Variants in NMNAT3 observed in about 807,000 individuals in gnomAD.
NMNAT3 encodes nicotinamide/nicotinic acid mononucleotide adenylyltransferase 3.
NMNAT3 carries 21 observed loss-of-function variants against 24.8 expected under a neutral mutation model. That is an observed-to-expected ratio of 0.85 (90% CI 0.60 to 1.22). The LOEUF (loss-of-function observed/expected upper bound fraction) is 1.22. NMNAT3 is among the 50% of genes most tolerant of loss of function. The pLI is 0.00. For missense variants in NMNAT3, 387 were observed against 436.6 expected (o/e 0.89, Z 1.01); for synonymous variants, 136 against 155.2 (o/e 0.88, Z 0.92).
intron 3 of NMNAT3, among the ~76,000 whole-genome samples, chr3:139,612,078 G>A (rs906854838): frequency 4.0e-5 from 6 of 151,446 alleles, no homozygotes; most frequent in Non-Finnish European, 8.8e-5. Flanking sequence ...GAGGCAGGAG[G>A]ATTGCTTGAA....
intron 1 of NMNAT3, among the ~76,000 whole-genome samples, chr3:139,641,087 G>T (rs1363068092): frequency 6.6e-6 from 1 of 152,106 alleles, no homozygotes; most frequent in Non-Finnish European, 1.5e-5. Flanking sequence ...TGCACTTATT[G>T]CTTCAGAATC....
At chr3:139,588,227 T>A (rs1170428978) in intron 3 of NMNAT3, among the ~76,000 whole-genome samples, 2 of 152,164 alleles carry the variant, frequency 1.3e-5, no homozygotes, top group African/African-American at 2.4e-5. Flanking sequence ...ACAGCACCTG[T>A]ATGAAAATGA....
chr3:139,637,657 C>T (rs1158478239), intron 2 of NMNAT3: 1 of 152,184 alleles, frequency 6.6e-6, no homozygotes, highest in Non-Finnish European at 1.5e-5. Context: ...GGATCATCTA[C>T]CATTCTCTAA....
chr3:139,664,307 G>A (rs903028217), intron 1 of NMNAT3, among the ~76,000 whole-genome samples: 2 of 152,110 alleles, frequency 1.3e-5, no homozygotes, highest in African/African-American at 4.8e-5. Flanking sequence ...GTGTGGTCCT[G>A]CAACACCTTC....
intron 3 of NMNAT3, among the ~76,000 whole-genome samples, chr3:139,602,754 T>TA (rs1410503119): frequency 1.3e-5 from 2 of 152,232 alleles, no homozygotes; most frequent in Admixed American, 1.3e-4. Flanking sequence ...ATTTTATAAG[T>TA]ATAGAATAAA....
intron 6 of NMNAT3, among the ~76,000 whole-genome samples, chr3:139,564,995 G>T (rs1262946798): frequency 1.3e-5 from 2 of 152,162 alleles, no homozygotes; most frequent in African/African-American, 4.8e-5. Context: ...CATGCTAACA[G>T]ATGGGAAGTA....
chr3:139,626,768 C>T (rs1269179384), intron 3 of NMNAT3, among the ~76,000 whole-genome samples: 1 of 152,028 alleles, frequency 6.6e-6, no homozygotes, highest in African/African-American at 2.4e-5. Context: ...TGAACTAATA[C>T]TTGTGCATTA....
chr3:139,575,701 C>G, intron 5 of NMNAT3: 1 of 1,041,988 alleles, frequency 9.6e-7, no homozygotes, highest in South Asian at 3.4e-5. Flanking sequence ...CACTGCGCCT[C>G]TATGGGGCAT....
At chr3:139,637,300 C>T (rs1172295000) in intron 2 of NMNAT3, 1 of 152,178 alleles carries the variant, frequency 6.6e-6, no homozygotes, top group Non-Finnish European at 1.5e-5. Context: ...AGATGATAGA[C>T]CAGCCACTAC....
intron 1 of NMNAT3, among the ~76,000 whole-genome samples, chr3:139,675,869 G>T (rs9871543): frequency 0.41 from 61,742 of 152,038 alleles, 12,793 homozygotes; most frequent in Non-Finnish European, 0.45. Context: ...GAGAAGGAGA[G>T]GGTGGGAGTT....
intron 3 of NMNAT3, among the ~76,000 whole-genome samples, chr3:139,605,165 G>C (rs1269188072): frequency 6.6e-6 from 1 of 152,192 alleles, no homozygotes; most frequent in African/African-American, 2.4e-5. Context: ...GATCAGCGAT[G>C]AGTCTGAGGG....
intron 4 of NMNAT3, among the ~76,000 whole-genome samples, chr3:139,582,658 A>G (rs1298516402): frequency 6.7e-6 from 1 of 149,776 alleles, no homozygotes; most frequent in African/African-American, 2.4e-5. Context: ...AAAAAAAAAA[A>G]AAAAAAGAAA....
At chr3:139,610,538 A>C (rs949480628) in intron 3 of NMNAT3, among the ~76,000 whole-genome samples, 6 of 152,254 alleles carry the variant, frequency 3.9e-5, no homozygotes, top group African/African-American at 1.2e-4. Context: ...TAGAAATGTG[A>C]AAATGAATAG....
chr3:139,622,310 G>A (rs1171525066), intron 3 of NMNAT3, among the ~76,000 whole-genome samples: 6 of 151,934 alleles, frequency 3.9e-5, no homozygotes, highest in African/African-American at 7.3e-5. Flanking sequence ...TGTTGGTTTT[G>A]ATTTGCATTT....
At chr3:139,569,243 C>G (rs974676593) in intron 6 of NMNAT3, 23 of 149,770 alleles carry the variant, frequency 1.5e-4, no homozygotes, top group Non-Finnish European at 2.4e-4. Context: ...TGTCTCTGCC[C>G]GTGAGATGGG....
At chr3:139,674,602 G>C (rs1221820631) in intron 1 of NMNAT3, among the ~76,000 whole-genome samples, 1 of 152,210 alleles carries the variant, frequency 6.6e-6, no homozygotes, top group Non-Finnish European at 1.5e-5. Context: ...TAATTTTGCA[G>C]GTTTTTTTCT....
At chr3:139,649,158 A>C (rs1214176919) in intron 1 of NMNAT3, among the ~76,000 whole-genome samples, 3 of 152,142 alleles carry the variant, frequency 2.0e-5, no homozygotes, top group Non-Finnish European at 4.4e-5. Context: ...TGCAATAAAG[A>C]TACACTATGA....
In NMNAT3 at chr3:139,622,701, C is replaced by G. The variant is rs1239209638; in HGVS notation, c.109+4915G>C. 7.4e-5 allele frequency among the ~76,000 whole-genome samples: 11 copies of G among 148,650 alleles called. 1 individual carries two copies. The Admixed American group carries it at 7.5e-4, about 10-fold the overall frequency. ...TGTGAGCTGAGATCATGGCACTGCA[C>G]TCCAGCCTGGGTGACAGAGCAAGAC... On this transcript the variant is annotated intron_variant, in intron 3 of 6. Coordinates refer to ENST00000643695, the MANE Select transcript of NMNAT3 (RefSeq NM_001320510.2).
rs545895144 is a variant in NMNAT3, at chr3:139,619,572, A to G, written c.109+8044T>C. On this transcript the variant is annotated intron_variant, in intron 3 of 6. Transcript: ENST00000643695. ...TAAAGGAGAGCCTGCAAGTCCATCAAGTGTCTTAATACAGTGTGTAGGTAG... is the reference window on the plus strand; with the variant it reads ...TAAAGGAGAGCCTGCAAGTCCATCAGGTGTCTTAATACAGTGTGTAGGTAG... 3.3e-5 allele frequency among the ~76,000 whole-genome samples: 5 copies of G among 152,272 alleles called. No individual in the cohort carries two copies. The East Asian group carries it at 9.7e-4, about 29-fold the overall frequency.
Sources: gnomAD v4.1 joint callset for allele counts (sites outside exome capture counted in the v4.1 genomes callset) on GRCh38, gnomAD v4.1.1 for gene constraint, MANE v1.5 for transcripts, NCBI Gene and HGNC (gene_info 2026-07-23, HGNC 2026-07-21) for gene names.